Variants in CAMSAP1 observed in about 807,000 individuals in gnomAD.
CAMSAP1 encodes the protein calmodulin regulated spectrin associated protein 1.
A neutral mutation model predicts 143.5 loss-of-function variants in CAMSAP1; 58 were observed. That is an observed-to-expected ratio of 0.40 (90% CI 0.33 to 0.50). The LOEUF (loss-of-function observed/expected upper bound fraction) is 0.50. Among genes scored for constraint, CAMSAP1 ranks in the 20% least tolerant of loss-of-function variants. The probability of loss-of-function intolerance (pLI) is 0.45; values close to 1 mark genes in which losing one functional copy is unlikely to be tolerated. For missense variants in CAMSAP1, 1,969 were observed against 2,115.7 expected (o/e 0.93, Z 1.36); for synonymous variants, 945 against 859.3 (o/e 1.10, Z -1.74).
chr9:135,836,702 T>A lies in CAMSAP1; in HGVS notation c.1046-9118A>T, dbSNP rs1015476110. ...ACGTCACCACGCACTTCTACCCTGT[T>A]CTACAGACACACATCACCACGCACT... On this transcript the variant is annotated intron_variant, in intron 7 of 16. Coordinates refer to ENST00000389532, the MANE Select transcript of CAMSAP1 (RefSeq NM_015447.4). 6 of 981,220 alleles carry A rather than the reference T, an allele frequency of 6.1e-6. No homozygotes were observed. The African/African-American group carries it at 1.1e-4, about 18-fold the overall frequency. 60.8% of individuals were successfully genotyped at this position (981,220 alleles called of 1,614,324 possible).
intron 7 of CAMSAP1, chr9:135,836,925 C>A (rs1213003640): frequency 4.1e-6 from 4 of 984,332 alleles, no homozygotes; most frequent in Non-Finnish European, 4.8e-6. Flanking sequence ...TCACCACACA[C>A]TTTCTACCCG....
At chr9:135,870,193 C>T (rs895775241) in intron 3 of CAMSAP1, among the ~76,000 whole-genome samples, 2 of 152,110 alleles carry the variant, frequency 1.3e-5, no homozygotes, top group African/African-American at 4.8e-5. Context: ...GAGGGAGGGA[C>T]GAGGTGGGAG....
At chr9:135,864,680 C>T (rs1046372351) in intron 4 of CAMSAP1, among the ~76,000 whole-genome samples, 2 of 152,356 alleles carry the variant, frequency 1.3e-5, no homozygotes, top group South Asian at 2.1e-4. Flanking sequence ...AAACCAAATG[C>T]TGTTTTCACC....
At chr9:135,857,665 C>A (rs1235466298) in intron 5 of CAMSAP1, among the ~76,000 whole-genome samples, 1 of 152,196 alleles carries the variant, frequency 6.6e-6, no homozygotes, top group East Asian at 1.9e-4. Context: ...GAATCTTTGG[C>A]TGCTGCTCCT....
In CAMSAP1 at chr9:135,821,330, T is replaced by C. The variant is rs1252416800; in HGVS notation, c.3331A>G (p.Lys1111Glu). 6.2e-7 allele frequency: 1 copy of C among 1,613,402 alleles called. No individual in the cohort carries two copies. The highest frequency in any genetic ancestry group is 1.3e-5 in the African/African-American group (1 of 74,938). ...SGRPAELKVP[K>E]DRPQGSSRSK... Reference sequence around the variant, plus strand: ...CGGGAGGAGCCCTGTGGCCTGTCTTTTGGGACCTTCAGCTCCGCCGGCCTT... The same window carrying C: ...CGGGAGGAGCCCTGTGGCCTGTCTTCTGGGACCTTCAGCTCCGCCGGCCTT... The change falls in exon 11 of 17, where the codon AAA (lysine) becomes GAA (glutamate). Residue 1111 changes from lysine to glutamate, a missense_variant. This residue lies in a region of CAMSAP1 where 1,390 missense variants were observed against 1,420.8 expected (regional missense o/e 0.98). Transcript: ENST00000389532. This position sits in a 1 kb window ranked among gnomAD's most constrained non-coding sequence, Gnocchi z 4.6.
chr9:135,858,363 A>G (rs1386791344), intron 5 of CAMSAP1, among the ~76,000 whole-genome samples: 4 of 152,066 alleles, frequency 2.6e-5, no homozygotes, highest in African/African-American at 9.7e-5. Flanking sequence ...TTTTTCTAGT[A>G]ACAAATACCT....
intron 3 of CAMSAP1, among the ~76,000 whole-genome samples, chr9:135,878,693 G>T (rs1020027489): frequency 6.6e-6 from 1 of 152,278 alleles, no homozygotes; most frequent in Non-Finnish European, 1.5e-5. Flanking sequence ...AACACAGCGC[G>T]GGTGAGAGAG....
At chr9:135,891,720 A>G (rs1483251135) in intron 1 of CAMSAP1, among the ~76,000 whole-genome samples, 2 of 152,236 alleles carry the variant, frequency 1.3e-5, no homozygotes, top group Non-Finnish European at 2.9e-5. Flanking sequence ...GGAAGAGACA[A>G]CCAACAGAGG....
At position 135,811,966 on chromosome 9, in the gene CAMSAP1, G is replaced by A. The variant is rs898981957; in HGVS notation, c.4507-355C>T. On this transcript the variant is annotated intron_variant, in intron 16 of 16. Coordinates refer to ENST00000389532, the MANE Select transcript of CAMSAP1 (RefSeq NM_015447.4). The surrounding 1 kb of genome is among the most constrained non-coding windows in gnomAD (Gnocchi z 4.9). Reference sequence around the variant, plus strand: ...TGGAACCCAGAAGCAGGGCGGTAACGAGTGCTGGCGAGCCATGGGGCTCTT... The same window carrying A: ...TGGAACCCAGAAGCAGGGCGGTAACAAGTGCTGGCGAGCCATGGGGCTCTT... 2.6e-5 allele frequency among the ~76,000 whole-genome samples: 4 copies of A among 152,202 alleles called. No individual in the cohort carries two copies. Among genetic ancestry groups the A allele is most frequent in the Non-Finnish European group, 4.4e-5 (3 of 68,042 alleles).
chr9:135,843,416 C>T (rs572560286), intron 7 of CAMSAP1, among the ~76,000 whole-genome samples: 11 of 152,118 alleles, frequency 7.2e-5, no homozygotes, highest in Non-Finnish European at 1.6e-4. Flanking sequence ...ATCTCATGTA[C>T]AAAGACTCAA....
intron 5 of CAMSAP1, among the ~76,000 whole-genome samples, chr9:135,861,632 T>C (rs1193252767): frequency 6.6e-6 from 1 of 152,208 alleles, no homozygotes; most frequent in Non-Finnish European, 1.5e-5. Flanking sequence ...TATATATTTG[T>C]GAAACTATTT....
rs530189963 is a variant in CAMSAP1, at chr9:135,865,401, G to A, written c.666+1055C>T. The A allele has an allele frequency of 1.9e-6, 3 of 1,548,864 alleles. No homozygotes were observed. The East Asian group carries it at 7.3e-5, about 38-fold the overall frequency. Reference sequence around the variant, plus strand: ...GCGAGAGAAGGAAGGCAGGAGAGGAGCATCAGCAGAGCAGGTCCACGTGTG... The same window carrying A: ...GCGAGAGAAGGAAGGCAGGAGAGGAACATCAGCAGAGCAGGTCCACGTGTG... On this transcript the variant is annotated intron_variant, in intron 4 of 16. Coordinates refer to ENST00000389532, the MANE Select transcript of CAMSAP1 (RefSeq NM_015447.4).
chr9:135,814,906 G>A (rs1031042105), intron 16 of CAMSAP1, among the ~76,000 whole-genome samples, 191 bp downstream of exon 16: 2 of 152,200 alleles, frequency 1.3e-5, no homozygotes, highest in African/African-American at 4.8e-5. Context: ...TCCAGCACAG[G>A]CTCACTGCAG....
At position 135,884,488 on chromosome 9, in the gene CAMSAP1, C is replaced by T. The variant is rs140693733; in HGVS notation, c.161-1410G>A. 2.0e-4 allele frequency among the ~76,000 whole-genome samples: 30 copies of T among 152,268 alleles called. No homozygotes were observed. The East Asian group carries it at 2.1e-3, about 11-fold the overall frequency. ...ACCTCATAGCTGGTTTACTTCTAAA[C>T]GGCAGCAGTCACCGTTTACACAGCA... On this transcript the variant is annotated intron_variant, in intron 1 of 16. Coordinates refer to ENST00000389532, the MANE Select transcript of CAMSAP1 (RefSeq NM_015447.4).
At chr9:135,869,896 G>A (rs1436593716) in intron 3 of CAMSAP1, among the ~76,000 whole-genome samples, 1 of 152,118 alleles carries the variant, frequency 6.6e-6, no homozygotes, top group East Asian at 1.9e-4. Context: ...AAGAACCCTG[G>A]AAACATGCTC....
At chr9:135,851,840 T>C (rs149726098) in intron 5 of CAMSAP1, among the ~76,000 whole-genome samples, 2,030 of 152,366 alleles carry the variant, frequency 0.013, 18 homozygotes, top group South Asian at 0.021. Context: ...TCACAAAGCT[T>C]GCGTGTGCTG....
At chr9:135,880,472 A>G (rs1220002267) in intron 3 of CAMSAP1, among the ~76,000 whole-genome samples, 1 of 152,146 alleles carries the variant, frequency 6.6e-6, no homozygotes, top group Non-Finnish European at 1.5e-5. Flanking sequence ...AGGATAAGGA[A>G]ATGTAAGGAG....
intron 7 of CAMSAP1, chr9:135,836,317 C>G (rs1312631632): frequency 1.0e-6 from 1 of 984,476 alleles, no homozygotes; most frequent in Admixed American, 6.2e-5. Context: ...TACAGACACA[C>G]GTCACCACGC....
intron 3 of CAMSAP1, among the ~76,000 whole-genome samples, chr9:135,874,761 T>C (rs1398789944): frequency 6.6e-6 from 1 of 152,192 alleles, no homozygotes. Flanking sequence ...ATCTTGTATG[T>C]AGAAAATCTT....
Sources: gnomAD v4.1 joint callset for allele counts (sites outside exome capture counted in the v4.1 genomes callset) on GRCh38, gnomAD v4.1.1 for gene constraint, gnomAD v4.1.1 regional missense constraint, Gnocchi (gnomAD v3.1) non-coding constraint, MANE v1.5 for transcripts, NCBI Gene and HGNC (gene_info 2026-07-23, HGNC 2026-07-21) for gene names.